BDP1: variants seen among roughly 807,000 people sequenced by gnomAD.
The protein encoded by BDP1 is BDP1 general transcription factor IIIB subunit.
Under a neutral mutation model 266.6 loss-of-function variants are expected in BDP1, and 169 were observed. The ratio of observed to expected loss-of-function variants is 0.63; its 90% CI spans 0.56 to 0.72. BDP1 has a LOEUF of 0.72. Ranked by LOEUF, BDP1 falls within the 30% of genes least tolerant of loss-of-function variation. BDP1 has a pLI of 0.00. For synonymous variants in BDP1, 1,090 were observed against 1,022.4 expected (o/e 1.07, Z -1.26); for missense variants, 3,015 against 3,053.8 (o/e 0.99, Z 0.30).
At chr5:71,526,615 C>CAAAAAAAAA (rs752124588) in intron 25 of BDP1, among the ~76,000 whole-genome samples, 1 of 49,858 alleles carries the variant, frequency 2.0e-5, no homozygotes, top group Non-Finnish European at 3.5e-5. Context: ...GACTCTATCT[C>CAAAAAAAAA]AAAAAAAAAA....
chr5:71,485,371 T>C (rs1763204923), intron 8 of BDP1, among the ~76,000 whole-genome samples: 1 of 152,164 alleles, frequency 6.6e-6, no homozygotes, highest in Non-Finnish European at 1.5e-5. Context: ...TTGAGAGAAC[T>C]TATGTTTTGA....
Position 71,522,304 on chromosome 5 carries a change from G to GT in BDP1, c.5008dup (p.Tyr1670LeufsTer4), listed in dbSNP as rs1561745603. ...TTCATTCTAGACATGAAAATAAACC[G>GT]TATGTTCCTAGTTCAGCACAAATGA... On this transcript the variant is annotated frameshift_variant, in exon 23 of 39. Transcript: ENST00000358731. LOFTEE classifies it high-confidence loss of function. The GT allele has an allele frequency of 6.2e-7, 1 of 1,612,772 alleles. No individual in the cohort carries two copies. Among genetic ancestry groups the GT allele is most frequent in the East Asian group, 2.2e-5 (1 of 44,858 alleles).
intron 4 of BDP1, among the ~76,000 whole-genome samples, chr5:71,465,218 T>A (rs184549533): frequency 6.6e-6 from 1 of 152,050 alleles, no homozygotes; most frequent in Non-Finnish European, 1.5e-5. Context: ...CCCTGAAGGA[T>A]TGTACTGAAA....
chr5:71,485,492 G>A (rs555438455), intron 8 of BDP1, among the ~76,000 whole-genome samples: 2 of 152,268 alleles, frequency 1.3e-5, no homozygotes, highest in Non-Finnish European at 2.9e-5. Context: ...GTGAAATAGG[G>A]TCTTCAGGAA....
rs747860315 is a variant in BDP1 at position 71,539,592 on chromosome 5, T to G, written c.5965T>G (p.Leu1989Val). ...NDGSTEAAIT[L>V]LTMGDLVLQS... is the part of the protein sequence containing the mutation. ...TGGAAGCACCGAAGCTGCAATAACT[T>G]TACTTACAATGGGAGATCTAGTATT... The change falls in exon 28 of 39, where the codon TTA becomes GTA. Residue 1989 changes from leucine to valine, a missense_variant. Physicochemically the swap from Leu to Val is conservative, Grantham distance 32. Around this residue, in one of 3 missense-constraint regions of BDP1, gnomAD observed 2,383 missense variants for 2,404.9 expected, o/e 0.99. Transcript: ENST00000358731. The G allele has an allele frequency of 1.9e-6, 3 of 1,612,378 alleles. No homozygotes were observed. Among genetic ancestry groups the G allele is most frequent in the Non-Finnish European group, 1.7e-6 (2 of 1,179,412 alleles).
intron 35 of BDP1, among the ~76,000 whole-genome samples, chr5:71,555,682 G>A (rs1343017405): frequency 6.6e-6 from 1 of 151,952 alleles, no homozygotes; most frequent in Non-Finnish European, 1.5e-5. Flanking sequence ...CAGATGATCC[G>A]CCTGCCTCGG....
In BDP1 at chr5:71,516,517, G is replaced by A. The variant is rs183715900; in HGVS notation, c.4860+246G>A. Among the ~76,000 whole-genome samples the A allele has an allele frequency of 2.3e-3, 349 of 151,900 alleles. 1 individual carries two copies. The highest frequency in any genetic ancestry group is 7.9e-3 in the African/African-American group (328 of 41,446). On this transcript the variant is annotated intron_variant, in intron 21 of 38. Transcript: ENST00000358731. The stretch of plus-strand genomic sequence containing the variant: ...ATTAGGACAAAATAATATAAATACC[G>A]CAAATCTTACTCTGAGATAACCACT...
Position 71,489,537 on chromosome 5 carries a change from T to G in BDP1, c.1347T>G (p.Asp449Glu), listed in dbSNP as rs368008375. 4 of 1,614,088 alleles carry G rather than the reference T, an allele frequency of 2.5e-6. No homozygotes were observed. Among genetic ancestry groups the G allele is most frequent in the Non-Finnish European group, 3.4e-6 (4 of 1,179,986 alleles). The stretch of plus-strand genomic sequence containing the variant: ...AGTCTCTGACCTTATCAAGGGAGGA[T>G]GCAGAGCAGGTTGCATTAGAAGTAG... ...EEESLTLSRE[D>E]AEQVALEVDL... The change falls in exon 10 of 39, where the codon GAT (aspartate) becomes GAG (glutamate). Residue 449 changes from aspartate to glutamate, a missense_variant. Around this residue, in one of 3 missense-constraint regions of BDP1, gnomAD observed 2,383 missense variants for 2,404.9 expected, o/e 0.99. Coordinates refer to ENST00000358731, the MANE Select transcript of BDP1 (RefSeq NM_018429.3).
In BDP1 at chr5:71,512,437, G is replaced by GC; in HGVS notation, c.4247+9_4247+10insC. 1 of 1,492,994 alleles carries GC rather than the reference G, an allele frequency of 6.7e-7. No individual in the cohort carries two copies. The highest frequency in any genetic ancestry group is 8.9e-7 in the Non-Finnish European group (1 of 1,123,404). The allele number at this position is 1,492,994 out of a possible 1,614,324, so 92.5% of individuals were successfully genotyped here. ...TCAGATATTAATTTAAGGTACAAGT[G>GC]TGTTTTTAAAGAAAAAGATATTAAG... On this transcript the variant is annotated intron_variant, in intron 18 of 38. Transcript: ENST00000358731.
intron 25 of BDP1, among the ~76,000 whole-genome samples, chr5:71,527,518 A>AT (rs1455415041): frequency 6.6e-6 from 1 of 152,082 alleles, no homozygotes; most frequent in African/African-American, 2.4e-5. Flanking sequence ...ATCATACAGT[A>AT]TTTTTTTGTG....
At chr5:71,555,721 G>C (rs1364474461) in intron 35 of BDP1, among the ~76,000 whole-genome samples, 3 of 152,090 alleles carry the variant, frequency 2.0e-5, no homozygotes, top group Admixed American at 6.6e-5. Flanking sequence ...TATTACAGGT[G>C]TGGGCCACCA....
intron 6 of BDP1, among the ~76,000 whole-genome samples, 161 bp downstream of exon 6, chr5:71,467,648 A>G (rs575238063): frequency 6.6e-6 from 1 of 152,254 alleles, no homozygotes; most frequent in South Asian, 2.1e-4. Context: ...ATGGAATGGT[A>G]TCTCTGACTT....
At chr5:71,463,811 A>G (rs1761716352) in intron 3 of BDP1, among the ~76,000 whole-genome samples, 1 of 144,100 alleles carries the variant, frequency 6.9e-6, no homozygotes, top group Admixed American at 7.4e-5. Context: ...CTGACACAGC[A>G]AGACCCTGTT....
chr5:71,514,815 G>A (rs1371111993), intron 19 of BDP1, 129 bp from the exon 20 acceptor site: 1 of 529,294 alleles, frequency 1.9e-6, no homozygotes, highest in African/African-American at 2.0e-5. Flanking sequence ...TGGAATTGCT[G>A]GGAATTTAGA....
chr5:71,540,781 A>ACAAAAAATT (rs1325089619), intron 28 of BDP1, among the ~76,000 whole-genome samples: 4 of 152,154 alleles, frequency 2.6e-5, no homozygotes, highest in Non-Finnish European at 5.9e-5. Context: ...TACAAAAAAT[A>ACAAAAAATT]CAAAAAATTA....
In BDP1 at chr5:71,510,689, T is replaced by C. The variant is rs538801957; in HGVS notation, c.3597T>C (p.Asp1199=). The change falls in exon 17 of 39, where the codon GAT becomes GAC. Residue 1199 remains aspartate, a synonymous_variant. Coordinates refer to ENST00000358731, the MANE Select transcript of BDP1 (RefSeq NM_018429.3). ...ATGCTGCTGAGGTAATAGAGACAGA[T>C]TTGGAAGAAACTGAAAGAGAAATAT... ...VIDAAEVIET[D]LEETEREISP... 3 of 1,612,298 alleles carry C rather than the reference T, an allele frequency of 1.9e-6. No homozygotes were observed. In the African/African-American group the frequency reaches 4.0e-5, roughly 22 times the overall value.
At chr5:71,489,107 T>C (rs929672042) in intron 9 of BDP1, among the ~76,000 whole-genome samples, 9 of 152,220 alleles carry the variant, frequency 5.9e-5, no homozygotes, top group African/African-American at 2.2e-4. Flanking sequence ...TATGTAACTG[T>C]TTTTGTTTAA....
chr5:71,511,032 A>G lies in BDP1; in HGVS notation c.3940A>G (p.Thr1314Ala), dbSNP rs765497218. 6.2e-7 allele frequency: 1 copy of G among 1,614,138 alleles called. No homozygotes were observed. The highest frequency in any genetic ancestry group is 8.5e-7 in the Non-Finnish European group (1 of 1,180,022). ...KVAELKQTGK[T>A]DISPRENELE... ...GGCAGAATTGAAACAAACTGGAAAA[A>G]CAGACATTTCTCCAAGGGAAAACGA... Residue 1314 changes from threonine to alanine, a missense_variant, in exon 17 of 39, where the codon ACA (threonine) becomes GCA (alanine). By Grantham distance (58) the Thr-to-Ala change is moderately conservative (BLOSUM62 0). Transcript: ENST00000358731.
intron 36 of BDP1, among the ~76,000 whole-genome samples, chr5:71,559,510 T>TCTTTGGCTA: frequency 6.6e-6 from 1 of 152,360 alleles, no homozygotes; most frequent in South Asian, 2.1e-4. Context: ...TTTGTCCTAA[T>TCTTTGGCTA]CTTTGGCTAC....
Sources: gnomAD v4.1 joint callset for allele counts (sites outside exome capture counted in the v4.1 genomes callset) on GRCh38, gnomAD v4.1.1 for gene constraint, gnomAD v4.1.1 regional missense constraint, MANE v1.5 for transcripts, NCBI Gene and HGNC (gene_info 2026-07-23, HGNC 2026-07-21) for gene names.